Variants in PARN observed in about 807,000 individuals in gnomAD.
PARN encodes the protein poly(A)-specific ribonuclease, also known as poly(A)-specific ribonuclease PARN.
A neutral mutation model predicts 102.8 loss-of-function variants in PARN; 71 were observed. The ratio of observed to expected loss-of-function variants is 0.69; its 90% confidence interval spans 0.57 to 0.84. PARN has a LOEUF of 0.84. PARN is among the 40% of genes least tolerant of loss of function. The pLI, the probability that PARN is intolerant of heterozygous loss-of-function variation, is 0.00. For synonymous variants in PARN, 261 were observed against 252.9 expected, an observed-to-expected ratio of 1.03 and a Z score of -0.30; for missense variants, 782 against 760.9, an observed-to-expected ratio of 1.03 and a Z score of -0.33.
chr16:14,616,096 A>G (rs1478229487), intron 6 of PARN, among the ~76,000 whole-genome samples: 1 of 152,216 alleles, frequency 6.6e-6, no homozygotes, highest in African/African-American at 2.4e-5. Context: ...AAAAAACAAA[A>G]TTTATGTAAA....
At chr16:14,532,780 T>C (rs1216298253) in intron 21 of PARN, among the ~76,000 whole-genome samples, 50 of 144,728 alleles carry the variant, frequency 3.5e-4, no homozygotes, top group South Asian at 1.6e-3. Context: ...ACCTCCCTCC[T>C]GGACGGGGCG....
At chr16:14,468,929 TAAAATAA>T in intron 22 of PARN, among the ~76,000 whole-genome samples, 1 of 129,808 alleles carries the variant, frequency 7.7e-6, no homozygotes, top group Non-Finnish European at 1.7e-5. Flanking sequence ...ATAGATAAAA[TAAAATAA>T]AGATAAAACA....
chr16:14,554,627 G>A (rs1278961962), intron 19 of PARN, among the ~76,000 whole-genome samples: 1 of 151,226 alleles, frequency 6.6e-6, no homozygotes, highest in African/African-American at 2.4e-5. Flanking sequence ...TATTTTTGTA[G>A]AGATGGGGGT....
intron 12 of PARN, among the ~76,000 whole-genome samples, chr16:14,595,921 T>C (rs1266644236): frequency 6.6e-6 from 1 of 152,116 alleles, no homozygotes; most frequent in African/African-American, 2.4e-5. Context: ...TGCCTTGACC[T>C]CCCTAAGTGT....
At chr16:14,531,898 TTAA>T (rs746274106) in intron 21 of PARN, among the ~76,000 whole-genome samples, 6 of 103,312 alleles carry the variant, frequency 5.8e-5, no homozygotes, top group Non-Finnish European at 5.0e-5. Flanking sequence ...TCCCATTTCT[TTAA>T]AAAAAAAAAA....
intron 21 of PARN, among the ~76,000 whole-genome samples, chr16:14,529,170 G>A (rs973346447): frequency 6.6e-6 from 1 of 152,114 alleles, no homozygotes; most frequent in Non-Finnish European, 1.5e-5. Context: ...GGACTCTAAA[G>A]GCTTCCCCAC....
At chr16:14,457,455 C>T (rs936874597) in intron 22 of PARN, among the ~76,000 whole-genome samples, 1 of 152,100 alleles carries the variant, frequency 6.6e-6, no homozygotes, top group Non-Finnish European at 1.5e-5. Flanking sequence ...GTTCAGAAGC[C>T]AAACCCTCGG....
At chr16:14,570,070 G>A (rs1027609589) in intron 18 of PARN, among the ~76,000 whole-genome samples, 1 of 152,158 alleles carries the variant, frequency 6.6e-6, no homozygotes, top group South Asian at 2.1e-4. Flanking sequence ...GCCGGGTGCG[G>A]TGGCTCACGC....
intron 5 of PARN, among the ~76,000 whole-genome samples, chr16:14,626,822 T>C (rs1018607455): frequency 7.9e-5 from 12 of 152,010 alleles, no homozygotes; most frequent in African/African-American, 2.9e-4. Context: ...TTTCACCATG[T>C]TAGCCAGGAT....
chr16:14,496,178 G>A (rs1964307134), intron 21 of PARN, among the ~76,000 whole-genome samples: 1 of 152,226 alleles, frequency 6.6e-6, no homozygotes, highest in African/African-American at 2.4e-5. Context: ...CTGACAGCAG[G>A]GCTGGGGTGT....
intron 22 of PARN, among the ~76,000 whole-genome samples, chr16:14,469,575 A>AG (rs1201418708): frequency 6.6e-6 from 1 of 152,232 alleles, no homozygotes; most frequent in African/African-American, 2.4e-5. Context: ...TATCAGTACA[A>AG]GGACAAACTT....
At chr16:14,606,553 G>A (rs774322659) in intron 9 of PARN, 27 bp from the exon 10 acceptor site, 19 of 1,360,572 alleles carry the variant, frequency 1.4e-5, no homozygotes, top group African/African-American at 5.8e-5. Flanking sequence ...CATAGTATCA[G>A]TAGATGAGTC....
chr16:14,484,279 G>A lies in PARN; in HGVS notation c.1481-1452C>T, dbSNP rs1596488583. ...TGCCCCCTCTTCTGAGGCTGCTGTG[G>A]ATGGATCACGATGGCGGCATGGGAG... On this transcript the variant is annotated intron_variant, in intron 21 of 23. Transcript: ENST00000437198. Among the ~76,000 whole-genome samples, 3 of 152,330 alleles carry A rather than the reference G, an allele frequency of 2.0e-5. No individual in the cohort carries two copies. The South Asian group carries it at 6.2e-4, about 32-fold the overall frequency.
At chr16:14,528,067 G>A (rs1966102626) in intron 21 of PARN, among the ~76,000 whole-genome samples, 1 of 152,218 alleles carries the variant, frequency 6.6e-6, no homozygotes, top group Non-Finnish European at 1.5e-5. Flanking sequence ...CAGAATCTGT[G>A]AATAATGAGG....
At chr16:14,437,339 T>C (rs1960748325) in intron 23 of PARN, among the ~76,000 whole-genome samples, 1 of 152,056 alleles carries the variant, frequency 6.6e-6, no homozygotes, top group Non-Finnish European at 1.5e-5. Flanking sequence ...AGGTGAGAAA[T>C]CTCAGGTGGG....
intron 22 of PARN, among the ~76,000 whole-genome samples, chr16:14,475,915 T>C (rs1254712242): frequency 6.6e-6 from 1 of 152,204 alleles, no homozygotes; most frequent in Non-Finnish European, 1.5e-5. Context: ...AATGTATCCA[T>C]GGGGTTTACA....
chr16:14,471,503 T>G (rs1962738915), intron 22 of PARN, among the ~76,000 whole-genome samples: 1 of 152,238 alleles, frequency 6.6e-6, no homozygotes, highest in South Asian at 2.1e-4. Flanking sequence ...CCAAGTTGTC[T>G]GAATCCCTTT....
chr16:14,486,074 G>A (rs1476748289), intron 21 of PARN, among the ~76,000 whole-genome samples: 4 of 152,182 alleles, frequency 2.6e-5, no homozygotes, highest in African/African-American at 9.7e-5. Context: ...TCCCTCTGTT[G>A]CCAGGTGTGG....
intron 18 of PARN, among the ~76,000 whole-genome samples, chr16:14,564,807 G>A (rs907336335): frequency 1.3e-5 from 2 of 152,030 alleles, no homozygotes; most frequent in African/African-American, 4.8e-5. Flanking sequence ...ATTTGCATTC[G>A]TGTCCATCTG....
Sources: allele counts gnomAD v4.1 joint callset (sites outside exome capture counted in the v4.1 genomes callset), GRCh38; gene constraint gnomAD v4.1.1; transcripts MANE v1.5; gene names NCBI Gene and HGNC (gene_info 2026-07-23, HGNC 2026-07-21).